KLHL29: variants seen among roughly 807,000 people sequenced by gnomAD.
The protein encoded by KLHL29 is kelch-like protein 29.
Under a neutral mutation model 80.4 loss-of-function variants are expected in KLHL29, and 21 were observed. The observed-to-expected ratio is 0.26, with a 90% CI of 0.19 to 0.38. KLHL29 has a LOEUF of 0.38. Among genes scored for constraint, KLHL29 ranks in the 10% least tolerant of loss-of-function variants. The probability of loss-of-function intolerance (pLI) is 1.00; values close to 1 mark genes in which losing one functional copy is unlikely to be tolerated. For missense variants in KLHL29, 867 were observed against 1,223.9 expected (o/e 0.71, Z 4.35); for synonymous variants, 511 against 526.8 (o/e 0.97, Z 0.41).
intron 2 of KLHL29, among the ~76,000 whole-genome samples, chr2:23,476,665 T>C (rs761599136): frequency 6.6e-5 from 10 of 152,276 alleles, no homozygotes; most frequent in Non-Finnish European, 1.0e-4. Flanking sequence ...ATATTTTAAA[T>C]ATTTCACTAT....
chr2:23,603,717 C>G (rs749511569), intron 3 of KLHL29, among the ~76,000 whole-genome samples: 35 of 152,228 alleles, frequency 2.3e-4, no homozygotes, highest in Non-Finnish European at 4.8e-4. Flanking sequence ...CCAGGCCAGT[C>G]CAGCATTGTG....
At chr2:23,400,225 G>T (rs1169719042) in intron 1 of KLHL29, among the ~76,000 whole-genome samples, 1 of 152,208 alleles carries the variant, frequency 6.6e-6, no homozygotes, top group African/African-American at 2.4e-5. Context: ...TACCCAAGGG[G>T]GCTAGGGTGG....
chr2:23,584,926 G>A (rs1357066798), intron 3 of KLHL29, among the ~76,000 whole-genome samples: 2 of 152,132 alleles, frequency 1.3e-5, no homozygotes, highest in African/African-American at 4.8e-5. Context: ...TAGTGGAGAA[G>A]GGGTTTCGCC....
Position 23,458,477 on chromosome 2 carries a change from C to G in KLHL29, c.-153-17083C>G, listed in dbSNP as rs147245440. On this transcript the variant is annotated intron_variant, in intron 1 of 13. Coordinates refer to ENST00000486442, the MANE Select transcript of KLHL29 (RefSeq NM_052920.2). ...TGGCCACAGGCTATCGCGTGCTGGC[C>G]CCTGGACTATGTACAGAGGTAATCC... Among the ~76,000 whole-genome samples the G allele has an allele frequency of 3.6e-3, 543 of 152,320 alleles. 4 individuals carry two copies. The highest frequency in any genetic ancestry group is 0.013 in the African/African-American group (524 of 41,552).
rs767736883 is a variant in KLHL29, at chr2:23,703,394, T to C, written c.2299+15T>C. Reference sequence around the variant, plus strand: ...CCCAATGATTGGTGAGAACCAGCGGTGTCCTCAGCCCAGGGCCAGGGTCGC... The same window carrying C: ...CCCAATGATTGGTGAGAACCAGCGGCGTCCTCAGCCCAGGGCCAGGGTCGC... On this transcript the variant is annotated intron_variant, in intron 12 of 13. Coordinates refer to ENST00000486442, the MANE Select transcript of KLHL29 (RefSeq NM_052920.2). 9.0e-5 allele frequency: 133 copies of C among 1,475,044 alleles called. No individual in the cohort carries two copies. The highest frequency in any genetic ancestry group is 8.9e-5 in the Non-Finnish European group (99 of 1,113,006). The allele number at this position is 1,475,044 out of a possible 1,614,324, so 91.4% of individuals were successfully genotyped here. A position where few individuals can be genotyped will look rare whatever the true frequency, so the allele number is the denominator to read the frequency against.
chr2:23,528,239 A>C (rs1666384836), intron 2 of KLHL29, among the ~76,000 whole-genome samples: 1 of 128,360 alleles, frequency 7.8e-6, no homozygotes, highest in Non-Finnish European at 1.7e-5. Flanking sequence ...AAAAAGTGAC[A>C]AAAAAAAATT....
chr2:23,453,391 C>T (rs183478608), intron 1 of KLHL29, among the ~76,000 whole-genome samples: 1 of 152,364 alleles, frequency 6.6e-6, no homozygotes, highest in East Asian at 1.9e-4. Flanking sequence ...AGCTGTGGGA[C>T]TTTGCTAACA....
At chr2:23,674,168 G>A (rs1213832733) in intron 5 of KLHL29, among the ~76,000 whole-genome samples, 2 of 152,190 alleles carry the variant, frequency 1.3e-5, no homozygotes, top group Non-Finnish European at 2.9e-5. Flanking sequence ...CGCTCTGTGA[G>A]TGTGTCTCCC....
intron 3 of KLHL29, among the ~76,000 whole-genome samples, chr2:23,631,073 A>G (rs1669455355): frequency 6.6e-6 from 1 of 152,180 alleles, no homozygotes; most frequent in African/African-American, 2.4e-5. Context: ...CAAGCCGAGG[A>G]TCACAGGGCA....
At chr2:23,556,269 T>TC (rs200084184) in intron 2 of KLHL29, among the ~76,000 whole-genome samples, 2,337 of 152,234 alleles carry the variant, frequency 0.015, 28 homozygotes, top group Non-Finnish European at 0.024. Flanking sequence ...CTGATGTCTG[T>TC]CCCAGACTGC....
At chr2:23,643,031 G>A (rs1317897121) in intron 5 of KLHL29, 181 bp downstream of exon 5, 2 of 778,598 alleles carry the variant, frequency 2.6e-6, no homozygotes, top group East Asian at 2.7e-5. Flanking sequence ...GGGGAGGGAG[G>A]GGGAAGGTGT....
intron 1 of KLHL29, among the ~76,000 whole-genome samples, chr2:23,429,446 TGC>T (rs1271551609): frequency 6.6e-6 from 1 of 152,218 alleles, no homozygotes; most frequent in Non-Finnish European, 1.5e-5. Flanking sequence ...GTAACATAAT[TGC>T]CTCATCAAAA....
intron 6 of KLHL29, among the ~76,000 whole-genome samples, chr2:23,685,856 G>A (rs138558164): frequency 0.014 from 2,145 of 152,300 alleles, 27 homozygotes; most frequent in Middle Eastern, 0.048. Flanking sequence ...TCGGGCTGCC[G>A]GATCATGGAT....
intron 3 of KLHL29, among the ~76,000 whole-genome samples, chr2:23,615,370 A>G (rs1396888431): frequency 1.3e-5 from 2 of 151,778 alleles, no homozygotes; most frequent in Non-Finnish European, 2.9e-5. Flanking sequence ...CTCCCCAGCC[A>G]CCCTGGGACC....
chr2:23,648,045 G>A (rs1208958331), intron 5 of KLHL29, among the ~76,000 whole-genome samples: 1 of 152,050 alleles, frequency 6.6e-6, no homozygotes, highest in East Asian at 1.9e-4. Flanking sequence ...GCAGGTCAGT[G>A]CTCAGGGCCC....
chr2:23,694,710 C>G (rs555013106), intron 8 of KLHL29, among the ~76,000 whole-genome samples: 1 of 152,308 alleles, frequency 6.6e-6, no homozygotes, highest in East Asian at 1.9e-4. Flanking sequence ...CTTTCACTCT[C>G]TGACGCCTCT....
At chr2:23,409,148 T>G (rs983371323) in intron 1 of KLHL29, among the ~76,000 whole-genome samples, 1 of 152,188 alleles carries the variant, frequency 6.6e-6, no homozygotes, top group Admixed American at 6.5e-5. Context: ...AGACATCACT[T>G]TCCCCATTGG....
At chr2:23,449,188 TTC>T (rs1198651768) in intron 1 of KLHL29, among the ~76,000 whole-genome samples, 1 of 152,144 alleles carries the variant, frequency 6.6e-6, no homozygotes, top group Non-Finnish European at 1.5e-5. Flanking sequence ...CTTCTCCATA[TTC>T]TGTTTCTTCA....
chr2:23,670,608 C>G (rs1670686547), intron 5 of KLHL29, among the ~76,000 whole-genome samples: 2 of 152,164 alleles, frequency 1.3e-5, no homozygotes, highest in East Asian at 3.9e-4. Flanking sequence ...CTGGAGGGCA[C>G]AATTCCACTT....
Sources: allele counts gnomAD v4.1 joint callset (sites outside exome capture counted in the v4.1 genomes callset), GRCh38; gene constraint gnomAD v4.1.1; transcripts MANE v1.5; gene names NCBI Gene and HGNC (gene_info 2026-07-23, HGNC 2026-07-21).